SDS: variants seen among roughly 807,000 people sequenced by gnomAD.
The protein encoded by SDS is L-serine dehydratase/L-threonine deaminase.
A neutral mutation model predicts 29.3 loss-of-function variants in SDS; 19 were observed. That is an observed-to-expected ratio of 0.65 (90% CI 0.45 to 0.95). The LOEUF (loss-of-function observed/expected upper bound fraction) is 0.95. Ranked by LOEUF, SDS falls within the 40% of genes least tolerant of loss-of-function variation. The pLI is 0.00. For synonymous variants in SDS, 176 were observed against 189.0 expected (o/e 0.93, Z 0.56); for missense variants, 375 against 439.9 (o/e 0.85, Z 1.32).
At chr12:113,398,426 G>T (rs1474835456) in intron 5 of SDS, 89 bp downstream of exon 5, 5 of 813,504 alleles carry the variant, frequency 6.1e-6, no homozygotes, top group Non-Finnish European at 1.0e-5. Context: ...TGTGCATGAG[G>T]ACGTGATGAT....
At chr12:113,399,515 C>A in intron 2 of SDS, 41 bp downstream of exon 2, 1 of 1,498,386 alleles carries the variant, frequency 6.7e-7, no homozygotes, top group Non-Finnish European at 8.9e-7. Context: ...GGAAGGAGGA[C>A]CTGCCACCCC....
At chr12:113,395,301 C>G (rs144684793) in intron 6 of SDS, among the ~76,000 whole-genome samples, 1 of 152,304 alleles carries the variant, frequency 6.6e-6, no homozygotes, top group South Asian at 2.1e-4. Context: ...CTCAGCAGCA[C>G]GTGGTTTACA....
At chr12:113,393,196 G>A (rs1333784431) in intron 7 of SDS, 47 bp from the exon 8 acceptor site, 1 of 1,570,440 alleles carries the variant, frequency 6.4e-7, no homozygotes, top group Admixed American at 1.7e-5. Flanking sequence ...GTTTCCCAGG[G>A]TGCACAGGAG....
At chr12:113,401,195 C>T (rs894634545) in intron 1 of SDS, among the ~76,000 whole-genome samples, 2 of 151,922 alleles carry the variant, frequency 1.3e-5, no homozygotes, top group Non-Finnish European at 2.9e-5. Context: ...CTTAAATGGA[C>T]GATCCCAGGA....
chr12:113,399,413 C>T (rs1957670110), intron 2 of SDS, 143 bp downstream of exon 2: 5 of 1,064,756 alleles, frequency 4.7e-6, no homozygotes, highest in Non-Finnish European at 6.6e-6. Context: ...ACAGAGGAAG[C>T]CCTAATGGTG....
At position 113,399,646 on chromosome 12, in the gene SDS, T is replaced by G; in HGVS notation, c.63A>C (p.Lys21Asn). 2 of 1,600,630 alleles carry G rather than the reference T, an allele frequency of 1.2e-6. No homozygotes were observed. The highest frequency in any genetic ancestry group is 1.7e-6 in the Non-Finnish European group (2 of 1,175,360). The change falls in exon 2 of 8, where the codon AAA becomes AAC. Residue 21 changes from lysine to asparagine, a missense_variant. By Grantham distance (94) the Lys-to-Asn change is moderately conservative (BLOSUM62 0). Coordinates refer to ENST00000257549, the MANE Select transcript of SDS (RefSeq NM_006843.3). Reference protein sequence around the residue: ...TPIRDSMALSKMAGTSVYLKM... With the variant: ...TPIRDSMALSNMAGTSVYLKM... ...TGAGGTAGACGCTGGTGCCGGCCAT[T>G]TTGGACAGGGCCATGCTGTCACGGA...
At chr12:113,400,920 G>C (rs553163898) in intron 1 of SDS, among the ~76,000 whole-genome samples, 1 of 152,226 alleles carries the variant, frequency 6.6e-6, no homozygotes, top group Non-Finnish European at 1.5e-5. Flanking sequence ...TTGGGAGGCC[G>C]AAGCGGGCGG....
At chr12:113,400,201 G>A (rs574357505) in intron 1 of SDS, among the ~76,000 whole-genome samples, 2 of 152,234 alleles carry the variant, frequency 1.3e-5, no homozygotes, top group Non-Finnish European at 2.9e-5. Context: ...GCTGAGGCAG[G>A]AGAATCACTT....
At chr12:113,398,301 C>A (rs1401599221) in intron 5 of SDS, among the ~76,000 whole-genome samples, 1 of 152,148 alleles carries the variant, frequency 6.6e-6, no homozygotes, top group East Asian at 1.9e-4. Context: ...AAACACCTGA[C>A]CTCAAGTGAT....
intron 1 of SDS, among the ~76,000 whole-genome samples, chr12:113,400,606 C>T (rs902482481): frequency 6.6e-6 from 1 of 152,144 alleles, no homozygotes; most frequent in Non-Finnish European, 1.5e-5. Flanking sequence ...CATCCACACA[C>T]ACGCACAATC....
intron 5 of SDS, among the ~76,000 whole-genome samples, chr12:113,397,897 C>A (rs1345335908): frequency 6.6e-6 from 1 of 152,150 alleles, no homozygotes; most frequent in South Asian, 2.1e-4. Flanking sequence ...TCCCTGAAAC[C>A]TTTGTCCCCA....
In SDS at chr12:113,392,911, G is replaced by C. The variant is rs375594095; in HGVS notation, c.*30C>G. On this transcript the variant is annotated 3_prime_UTR_variant, in exon 8 of 8. Transcript: ENST00000257549. Reference sequence around the variant, plus strand: ...GCCCCTCCAGGGGTCTCTTGGGCTAGGAGAGCACAGATCGGTAAGGGGTCC... The same window carrying C: ...GCCCCTCCAGGGGTCTCTTGGGCTACGAGAGCACAGATCGGTAAGGGGTCC... The C allele has an allele frequency of 8.2e-5, 132 of 1,604,378 alleles. No individual in the cohort carries two copies. Among genetic ancestry groups the C allele is most frequent in the Non-Finnish European group, 1.1e-4 (128 of 1,171,692 alleles).
rs202028878 is a variant in SDS at position 113,401,376 on chromosome 12, T to TG, written c.-2-1667_-2-1666insC. Among the ~76,000 whole-genome samples, 1,203 of 148,164 alleles carry TG rather than the reference T, an allele frequency of 8.1e-3. 7 individuals are homozygous for TG. The highest frequency in any genetic ancestry group is 0.02 in the South Asian group (93 of 4,596). On this transcript the variant is annotated intron_variant, in intron 1 of 7. Coordinates refer to ENST00000257549, the MANE Select transcript of SDS (RefSeq NM_006843.3). ...GACTAATCACAGCTTTTAAATTTTA[T>TG]TCATTCATTCATTCATTCATTCATT...
Position 113,392,893 on chromosome 12 carries a change from CA to C in SDS, c.*47del. On this transcript the variant is annotated 3_prime_UTR_variant, in exon 8 of 8. Coordinates refer to ENST00000257549, the MANE Select transcript of SDS (RefSeq NM_006843.3). The stretch of plus-strand genomic sequence containing the variant: ...GCGCTGGATAAAACTCCAGCCCCTC[CA>C]GGGGTCTCTTGGGCTAGGAGAGCAC... 2 of 1,565,632 alleles carry C rather than the reference CA, an allele frequency of 1.3e-6. No individual in the cohort carries two copies. The highest frequency in any genetic ancestry group is 2.2e-5 in the South Asian group (2 of 88,936).
In SDS at chr12:113,402,015, C is replaced by T. The variant is rs192705737; in HGVS notation, c.-3+1753G>A. ...ACTCCTAGCTTGGACATCCATCCCC[C>T]GCTCCCAGAATGAGCCAGACATCCC... On this transcript the variant is annotated intron_variant, in intron 1 of 7. Coordinates refer to ENST00000257549, the MANE Select transcript of SDS (RefSeq NM_006843.3). Among the ~76,000 whole-genome samples the T allele has an allele frequency of 7.7e-3, 1,176 of 152,214 alleles. 5 individuals are homozygous for T. The highest frequency in any genetic ancestry group is 0.01 in the Non-Finnish European group (693 of 68,002).
At chr12:113,403,246 C>A (rs981215429) in intron 1 of SDS, among the ~76,000 whole-genome samples, 1 of 152,148 alleles carries the variant, frequency 6.6e-6, no homozygotes, top group Non-Finnish European at 1.5e-5. Flanking sequence ...CCCAACTCAG[C>A]CTTCCCAGTA....
rs780941658 is a variant in SDS, at chr12:113,398,593, G to T, written c.347C>A (p.Ala116Asp). 4 of 1,595,228 alleles carry T rather than the reference G, an allele frequency of 2.5e-6. No homozygotes were observed. The highest frequency in any genetic ancestry group is 3.5e-5 in the Admixed American group (2 of 56,722). ...VKVVGELLDE[A>D]FELAKALAKN... ...CGCTAGGGCCTTGGCCAGCTCGAAG[G>T]CTTCATCCAATAACTGCAAAGCCAC... Residue 116 changes from alanine to aspartate, a missense_variant, in exon 5 of 8, where the codon GCC becomes GAC. Physicochemically the swap from Ala to Asp is moderately radical, Grantham distance 126. Coordinates refer to ENST00000257549, the MANE Select transcript of SDS (RefSeq NM_006843.3).
chr12:113,396,040 G>A (rs1957641868), intron 6 of SDS, among the ~76,000 whole-genome samples: 1 of 152,258 alleles, frequency 6.6e-6, no homozygotes, highest in South Asian at 2.1e-4. Context: ...CAGAGGTTGC[G>A]GTGAGCTGAG....
rs540701675 is a variant in SDS at position 113,398,793 on chromosome 12, C to G, written c.247G>C (p.Ala83Pro). ...AYAARQLGVPATIVVPSTTPA... is the reference protein window; with the variant it reads ...AYAARQLGVPPTIVVPSTTPA... The stretch of plus-strand genomic sequence containing the variant: ...GTGGTGCTGGGCACCACGATGGTGG[C>G]GGGGACGCCGAGTTGCCTGGCCGCA... Residue 83 changes from alanine to proline, a missense_variant, in exon 4 of 8, where the codon GCC (alanine) becomes CCC (proline). By Grantham distance (27) the Ala-to-Pro change is conservative (BLOSUM62 -1). Coordinates refer to ENST00000257549, the MANE Select transcript of SDS (RefSeq NM_006843.3). The G allele has an allele frequency of 1.2e-6, 2 of 1,613,290 alleles. No individual in the cohort carries two copies. The highest frequency in any genetic ancestry group is 2.7e-5 in the African/African-American group (2 of 75,042).
Sources: gnomAD v4.1 joint callset for allele counts (sites outside exome capture counted in the v4.1 genomes callset) on GRCh38, gnomAD v4.1.1 for gene constraint, MANE v1.5 for transcripts, NCBI Gene and HGNC (gene_info 2026-07-23, HGNC 2026-07-21) for gene names.